Variants in LGR5 observed in about 807,000 individuals in gnomAD.
The protein encoded by LGR5 is leucine rich repeat containing G protein-coupled receptor 5, also known as leucine-rich repeat-containing G protein-coupled receptor 5.
A neutral mutation model predicts 76.7 loss-of-function variants in LGR5; 54 were observed. The ratio of observed to expected loss-of-function variants is 0.70; its 90% confidence interval spans 0.57 to 0.88. The LOEUF (loss-of-function observed/expected upper bound fraction) is 0.88, where lower values mean the gene tolerates loss of function less well. Among genes scored for constraint, LGR5 ranks in the 40% least tolerant of loss-of-function variants. The pLI, the probability that LGR5 is intolerant of heterozygous loss-of-function variation, is 0.00. For missense variants in LGR5, 1,078 were observed against 1,073.3 expected (o/e 1.00, Z -0.06); for synonymous variants, 406 against 421.9 (o/e 0.96, Z 0.46).
intron 1 of LGR5, among the ~76,000 whole-genome samples, chr12:71,444,899 A>T (rs946790098): frequency 6.6e-6 from 1 of 152,208 alleles, no homozygotes; most frequent in Admixed American, 6.5e-5. Flanking sequence ...TAGAATATTT[A>T]TAATTTTATA....
intron 2 of LGR5, among the ~76,000 whole-genome samples, chr12:71,513,721 T>C (rs770284804): frequency 5.9e-5 from 9 of 152,234 alleles, no homozygotes; most frequent in Non-Finnish European, 8.8e-5. Context: ...AAAAGCACTA[T>C]ATGTGGCATA....
At chr12:71,514,664 T>C (rs560997626) in intron 2 of LGR5, among the ~76,000 whole-genome samples, 1 of 152,274 alleles carries the variant, frequency 6.6e-6, no homozygotes, top group African/African-American at 2.4e-5. Flanking sequence ...CTCAGTCCAG[T>C]GGTCTTAGTC....
rs79313410 is a variant in LGR5, at chr12:71,473,771, A to T, written c.213-30843A>T. On this transcript the variant is annotated intron_variant, in intron 1 of 17. Coordinates refer to ENST00000266674, the MANE Select transcript of LGR5 (RefSeq NM_003667.4). ...ACTAGTGTTTTATTATTATATATAA[A>T]ACAAATGAAATTACAGAACAATTAT... Among the ~76,000 whole-genome samples the T allele has an allele frequency of 1.6e-3, 249 of 152,240 alleles. 3 individuals carry two copies. The East Asian group carries it at 0.025, about 15-fold the overall frequency.
intron 7 of LGR5, among the ~76,000 whole-genome samples, chr12:71,560,704 A>G (rs532720908): frequency 1.3e-5 from 2 of 152,326 alleles, no homozygotes; most frequent in South Asian, 4.1e-4. Flanking sequence ...AGGCACGAGA[A>G]TTGCTTTGAA....
intron 1 of LGR5, among the ~76,000 whole-genome samples, chr12:71,465,424 C>T (rs909068603): frequency 2.6e-5 from 4 of 152,172 alleles, no homozygotes; most frequent in African/African-American, 9.7e-5. Flanking sequence ...TCAAAGGCTC[C>T]TTTAACTTTC....
chr12:71,532,225 A>C (rs928653597), intron 3 of LGR5, among the ~76,000 whole-genome samples: 1 of 152,214 alleles, frequency 6.6e-6, no homozygotes, highest in Non-Finnish European at 1.5e-5. Flanking sequence ...TGATGGATTG[A>C]AACTGCTTGG....
chr12:71,441,925 T>C (rs1871786487), intron 1 of LGR5: 1 of 152,132 alleles, frequency 6.6e-6, no homozygotes, highest in Admixed American at 6.5e-5. Context: ...ACCACTCTAG[T>C]TTAACTGCTA....
At chr12:71,573,356 C>G (rs1373119062) in intron 13 of LGR5, among the ~76,000 whole-genome samples, 1 of 152,080 alleles carries the variant, frequency 6.6e-6, no homozygotes, top group Admixed American at 6.6e-5. Context: ...ACTCCAGAAC[C>G]TTATCTGCCT....
At chr12:71,472,552 G>A (rs776212983) in intron 1 of LGR5, among the ~76,000 whole-genome samples, 3 of 152,200 alleles carry the variant, frequency 2.0e-5, no homozygotes, top group Non-Finnish European at 2.9e-5. Context: ...GTTTCACAAA[G>A]CTGTCCTTAT....
At chr12:71,489,949 C>T (rs781060670) in intron 1 of LGR5, among the ~76,000 whole-genome samples, 1 of 151,944 alleles carries the variant, frequency 6.6e-6, no homozygotes, top group Non-Finnish European at 1.5e-5. Context: ...ATGGAATGGT[C>T]GTCATCCTCC....
intron 1 of LGR5, among the ~76,000 whole-genome samples, chr12:71,486,104 T>G (rs147351031): frequency 6.6e-6 from 1 of 152,268 alleles, no homozygotes; most frequent in East Asian, 1.9e-4. Context: ...TTTTATTTGT[T>G]CAACAATTTT....
At chr12:71,540,338 T>C (rs1876812486) in intron 4 of LGR5, among the ~76,000 whole-genome samples, 1 of 152,200 alleles carries the variant, frequency 6.6e-6, no homozygotes, top group Non-Finnish European at 1.5e-5. Flanking sequence ...ACTGTGGAAT[T>C]TGCATAATCG....
chr12:71,460,329 T>C (rs1948184445), intron 1 of LGR5, among the ~76,000 whole-genome samples: 1 of 152,134 alleles, frequency 6.6e-6, no homozygotes, highest in South Asian at 2.1e-4. Flanking sequence ...AAGTTTAGTG[T>C]GGAGAAGTTG....
At chr12:71,542,566 G>A (rs1194738726) in intron 4 of LGR5, among the ~76,000 whole-genome samples, 1 of 152,172 alleles carries the variant, frequency 6.6e-6, no homozygotes, top group Middle Eastern at 3.2e-3. Flanking sequence ...TAGGGACGGT[G>A]GAGATGAAGA....
At chr12:71,567,848 G>A (rs1027635486) in intron 11 of LGR5, among the ~76,000 whole-genome samples, 5 of 151,970 alleles carry the variant, frequency 3.3e-5, no homozygotes, top group African/African-American at 1.2e-4. Context: ...ATCTTTCTTT[G>A]CCCTACCCCA....
rs552062438 is a variant in LGR5, at chr12:71,584,481, A to G, written c.2471A>G (p.Asn824Ser). The change falls in exon 18 of 18, where the codon AAT becomes AGT. Residue 824 changes from asparagine (N) to serine (S), a missense_variant. Physicochemically the swap from Asn to Ser is conservative, Grantham distance 46 (BLOSUM62 1). Transcript: ENST00000266674. ...CLNPLLYILF[N>S]PHFKEDLVSL... The stretch of plus-strand genomic sequence containing the variant: ...AATCCCCTTCTCTACATCTTGTTCA[A>G]TCCTCACTTTAAGGAGGATCTGGTG... 1.9e-6 allele frequency: 3 copies of G among 1,614,072 alleles called. No individual in the cohort carries two copies. The highest frequency in any genetic ancestry group is 1.7e-5 in the Admixed American group (1 of 60,008).
chr12:71,507,465 G>A (rs1014519232), intron 2 of LGR5, among the ~76,000 whole-genome samples: 1 of 152,130 alleles, frequency 6.6e-6, no homozygotes, highest in Non-Finnish European at 1.5e-5. Context: ...GTGAAAGAAA[G>A]CAATGAAGAG....
chr12:71,556,583 T>G (rs200071381), intron 5 of LGR5, 36 bp from the exon 6 acceptor site: 1 of 1,310,820 alleles, frequency 7.6e-7, no homozygotes, highest in Admixed American at 1.7e-5. Flanking sequence ...GTCTGTGCAG[T>G]GTGCCTTCCT....
At chr12:71,507,790 A>T (rs1264375833) in intron 2 of LGR5, among the ~76,000 whole-genome samples, 2 of 152,034 alleles carry the variant, frequency 1.3e-5, no homozygotes, top group African/African-American at 4.8e-5. Flanking sequence ...CAATTAGGAC[A>T]CTATGAAAGT....
Sources: allele counts gnomAD v4.1 joint callset (sites outside exome capture counted in the v4.1 genomes callset), GRCh38; gene constraint gnomAD v4.1.1; transcripts MANE v1.5; gene names NCBI Gene and HGNC (gene_info 2026-07-23, HGNC 2026-07-21).